Variants in OCM2 observed in about 807,000 individuals in gnomAD.
The protein encoded by OCM2 is oncomodulin-2.
In OCM2, 6 loss-of-function variants were observed where a neutral mutation model predicts 13.6. That is an observed-to-expected ratio of 0.44 (90% CI 0.24 to 0.87). OCM2 has a LOEUF of 0.87. Ranked by LOEUF, OCM2 falls within the 40% of genes least tolerant of loss-of-function variation. The pLI is 0.22. For synonymous variants in OCM2, 40 were observed against 50.7 expected (o/e 0.79, Z 0.90); for missense variants, 118 against 136.8 (o/e 0.86, Z 0.68).
intron 2 of OCM2, 130 bp from the exon 3 acceptor site, chr7:97,987,286 C>T (rs1269180664): frequency 2.0e-6 from 2 of 987,138 alleles, no homozygotes; most frequent in Non-Finnish European, 3.0e-6. Flanking sequence ...TCTTAGCAAG[C>T]AAAGGTTTCC....
At chr7:97,988,284 C>T in intron 2 of OCM2, 132 bp downstream of exon 2, 3 of 1,143,826 alleles carry the variant, frequency 2.6e-6, no homozygotes, top group Non-Finnish European at 3.7e-6. Flanking sequence ...ATGTCCTTTG[C>T]TTTAATGATG....
At chr7:97,985,431 A>AAAAAAAAAAAAAAG (rs757682710) in intron 3 of OCM2, among the ~76,000 whole-genome samples, 2 of 131,500 alleles carry the variant, frequency 1.5e-5, no homozygotes, top group Non-Finnish European at 3.1e-5. Flanking sequence ...AAAAAAAAAA[A>AAAAAAAAAAAAAAG]AAAGAAAGAA....
At chr7:97,984,916 G>A in exon 4 of OCM2, 14 of 1,582,480 alleles carry the variant, frequency 8.8e-6, no homozygotes, top group Non-Finnish European at 1.2e-5. Context: ...AATCCTTCCA[G>A]GTGATTATCC....
Position 97,988,465 on chromosome 7 carries a change from G to A in OCM2, c.145C>T (p.Arg49Trp), listed in dbSNP as rs778218099. ...CCGCTCTGGTCGTTGTCTATGAACC[G>A]GAAAACATCCTTCACCTGACTGGCT... The change falls in exon 2 of 4, where the codon CGG (arginine) becomes TGG (tryptophan). Residue 49 changes from arginine to tryptophan, a missense_variant. Arg to Trp is a moderately radical substitution (Grantham distance 101). Coordinates refer to ENST00000257627, the Ensembl canonical transcript of OCM2. The A allele has an allele frequency of 1.7e-5, 27 of 1,613,962 alleles. No homozygotes were observed. The highest frequency in any genetic ancestry group is 9.3e-5 in the African/African-American group (7 of 74,874).
chr7:97,989,807 A>G (rs1794713892), intron 1 of OCM2, among the ~76,000 whole-genome samples: 1 of 150,416 alleles, frequency 6.6e-6, no homozygotes, highest in Non-Finnish European at 1.5e-5. Context: ...ACAGGTGCCC[A>G]CCACCACGCC....
At chr7:97,985,431 A>AAAAGAAAGAAAGAAAGAAAG (rs1554366491) in intron 3 of OCM2, among the ~76,000 whole-genome samples, 2 of 131,500 alleles carry the variant, frequency 1.5e-5, no homozygotes, top group African/African-American at 5.4e-5. Context: ...AAAAAAAAAA[A>AAAAGAAAGAAAGAAAGAAAG]AAAGAAAGAA....
At chr7:97,990,118 A>G (rs750719738) in exon 1 of OCM2, 1 of 1,611,694 alleles carries the variant, frequency 6.2e-7, no homozygotes, top group East Asian at 2.2e-5. Flanking sequence ...CTACCTACTC[A>G]CACAGAATAA....
chr7:97,989,932 A>G lies in OCM2; in HGVS notation c.61+112T>C. 4.8e-6 allele frequency: 5 copies of G among 1,032,930 alleles called. No homozygotes were observed. The South Asian group carries it at 5.8e-5, about 12-fold the overall frequency. The allele number at this position is 1,032,930 out of a possible 1,614,324, so 64.0% of individuals were successfully genotyped here. A position where few individuals can be genotyped will look rare whatever the true frequency, so the allele number is the denominator to read the frequency against. On this transcript the variant is annotated intron_variant, in intron 1 of 3. Transcript: ENST00000257627. ...CTCAGCCTCCCAAAGTGCTAGGATTACAGGCGTGAGCCACTGCGTCTGGCC... is the reference window on the plus strand; with the variant it reads ...CTCAGCCTCCCAAAGTGCTAGGATTGCAGGCGTGAGCCACTGCGTCTGGCC...
chr7:97,988,756 C>T (rs1451376174), intron 1 of OCM2, among the ~76,000 whole-genome samples: 1 of 151,898 alleles, frequency 6.6e-6, no homozygotes, highest in Admixed American at 6.6e-5. Context: ...CTTCCCTCCT[C>T]CACTTGGTTT....
chr7:97,985,963 A>G (rs1794667400), intron 3 of OCM2, among the ~76,000 whole-genome samples: 1 of 151,716 alleles, frequency 6.6e-6, no homozygotes, highest in Non-Finnish European at 1.5e-5. Context: ...CCCAGGCTGG[A>G]GTGCAATGGT....
intron 1 of OCM2, 26 bp downstream of exon 1, chr7:97,990,018 C>CGGG: frequency 1.4e-6 from 1 of 722,990 alleles, no homozygotes; most frequent in Non-Finnish European, 2.4e-6. Flanking sequence ...TGAGGAAATC[C>CGGG]CACCCCCGCC....
intron 2 of OCM2, among the ~76,000 whole-genome samples, chr7:97,987,682 T>A (rs1335421919): frequency 6.9e-6 from 1 of 145,178 alleles, no homozygotes; most frequent in Admixed American, 6.9e-5. Flanking sequence ...GGTTTTAATT[T>A]TTATTTATTT....
intron 2 of OCM2, 44 bp from the exon 3 acceptor site, chr7:97,987,200 G>A: frequency 6.2e-7 from 1 of 1,610,304 alleles, no homozygotes; most frequent in Non-Finnish European, 8.5e-7. Flanking sequence ...AAAAGGTCGT[G>A]CATCCCTGTG....
At chr7:97,990,016 T>TGCCCCC in intron 1 of OCM2, 28 bp downstream of exon 1, 2 of 1,083,840 alleles carry the variant, frequency 1.8e-6, no homozygotes, top group Non-Finnish European at 2.8e-6. Flanking sequence ...TGTGAGGAAA[T>TGCCCCC]CCCACCCCCG....
At chr7:97,990,016 T>TGGCCCCCCC in intron 1 of OCM2, 28 bp downstream of exon 1, 15 of 1,083,824 alleles carry the variant, frequency 1.4e-5, no homozygotes, top group Non-Finnish European at 2.0e-5. Context: ...TGTGAGGAAA[T>TGGCCCCCCC]CCCACCCCCG....
intron 1 of OCM2, 86 bp downstream of exon 1, chr7:97,989,958 G>T (rs1419817011): frequency 5.7e-6 from 8 of 1,405,456 alleles, no homozygotes; most frequent in East Asian, 2.3e-5. Context: ...GCGTCTGGCC[G>T]CCTGGCCTAC....
chr7:97,989,702 C>A (rs1348165524), intron 1 of OCM2, among the ~76,000 whole-genome samples: 2 of 151,118 alleles, frequency 1.3e-5, no homozygotes, highest in African/African-American at 2.4e-5. Context: ...AGCCACCATG[C>A]CTGGTCTACA....
chr7:97,990,016 T>A, intron 1 of OCM2, 28 bp downstream of exon 1: 2 of 1,083,808 alleles, frequency 1.8e-6, no homozygotes, highest in Non-Finnish European at 2.8e-6. Context: ...TGTGAGGAAA[T>A]CCCACCCCCG....
At chr7:97,987,251 C>G in intron 2 of OCM2, 95 bp from the exon 3 acceptor site, 1 of 1,430,382 alleles carries the variant, frequency 7.0e-7, no homozygotes, top group Admixed American at 2.0e-5. Flanking sequence ...CATCTGTTTC[C>G]AGCACCTGCA....
Sources: gnomAD v4.1 joint callset for allele counts (sites outside exome capture counted in the v4.1 genomes callset) on GRCh38, gnomAD v4.1.1 for gene constraint, MANE v1.5 for transcripts, NCBI Gene and HGNC (gene_info 2026-07-23, HGNC 2026-07-21) for gene names.